NTN4: variants seen among roughly 807,000 people sequenced by gnomAD.
The protein encoded by NTN4 is netrin 4.
In NTN4, 32 loss-of-function variants were observed where a neutral mutation model predicts 73.6. The observed-to-expected ratio is 0.44, with a 90% confidence interval of 0.33 to 0.58. NTN4 has a LOEUF of 0.58. Among genes scored for constraint, NTN4 ranks in the 20% least tolerant of loss-of-function variants. The pLI, the probability that NTN4 is intolerant of heterozygous loss-of-function variation, is 0.04. For missense variants in NTN4, 654 were observed against 798.3 expected, an observed-to-expected ratio of 0.82 and a Z score of 2.18; for synonymous variants, 258 against 287.5, an observed-to-expected ratio of 0.90 and a Z score of 1.04.
At chr12:95,733,564 G>C (rs553713838) in intron 3 of NTN4, among the ~76,000 whole-genome samples, 2 of 152,160 alleles carry the variant, frequency 1.3e-5, no homozygotes, top group Admixed American at 1.3e-4. Context: ...CATTTTATTA[G>C]AGAACTGAGG....
rs2078337677 is a variant in NTN4, at chr12:95,683,688, A to G, written c.1204T>C (p.Ser402Pro). 9 of 1,610,830 alleles carry G rather than the reference A, an allele frequency of 5.6e-6. No individual in the cohort carries two copies. The highest frequency in any genetic ancestry group is 7.6e-6 in the Non-Finnish European group (9 of 1,178,374). Residue 402 changes from serine (S) to proline (P), a missense_variant, in exon 6 of 10, where the codon TCA (serine) becomes CCA (proline). Transcript: ENST00000343702. Reference protein sequence around the residue: ...CKPCSCHPVGSAVLPANSVTF... With the variant: ...CKPCSCHPVGPAVLPANSVTF... ...ACTGAGTTGGCAGGAAGGACAGCTG[A>G]TCCTACTGGATGGCAGGAACACGCT...
intron 5 of NTN4, among the ~76,000 whole-genome samples, chr12:95,691,520 T>G (rs1039670416): frequency 1.3e-5 from 2 of 152,080 alleles, no homozygotes; most frequent in Non-Finnish European, 2.9e-5. Context: ...CTCAGCCTCC[T>G]GAGTAGCTGG....
chr12:95,739,887 C>T (rs970684454), intron 2 of NTN4: 1 of 152,296 alleles, frequency 6.6e-6, no homozygotes, highest in South Asian at 2.1e-4. Flanking sequence ...CATTCCATCT[C>T]CCCCTCACCC....
intron 2 of NTN4, among the ~76,000 whole-genome samples, chr12:95,754,710 G>A (rs1047603465): frequency 9.2e-5 from 14 of 151,948 alleles, no homozygotes; most frequent in East Asian, 1.9e-4. Context: ...GCCCACCAGA[G>A]AACAACCCCC....
At chr12:95,765,127 G>A (rs2079012035) in intron 2 of NTN4, among the ~76,000 whole-genome samples, 1 of 152,152 alleles carries the variant, frequency 6.6e-6, no homozygotes, top group African/African-American at 2.4e-5. Context: ...GCTCATACTT[G>A]TATCTTACCA....
chr12:95,662,235 CTTTTTTTTT>C (rs71087990), intron 9 of NTN4, among the ~76,000 whole-genome samples: 2 of 118,388 alleles, frequency 1.7e-5, no homozygotes, highest in East Asian at 4.7e-4. Flanking sequence ...CTTTTTCTTT[CTTTTTTTTT>C]TTTTTTGACA....
intron 9 of NTN4, chr12:95,663,348 T>C (rs990636746): frequency 2.0e-5 from 3 of 152,248 alleles, no homozygotes; most frequent in Non-Finnish European, 4.4e-5. Flanking sequence ...TTAGCATTTA[T>C]ATTTTATTTT....
chr12:95,712,344 C>T (rs776182496), intron 4 of NTN4, among the ~76,000 whole-genome samples: 14 of 151,996 alleles, frequency 9.2e-5, no homozygotes, highest in Admixed American at 2.0e-4. Context: ...AAAAAAAAGG[C>T]AATGTGGTAT....
At chr12:95,675,126 T>C (rs2078263588) in intron 7 of NTN4, among the ~76,000 whole-genome samples, 1 of 152,210 alleles carries the variant, frequency 6.6e-6, no homozygotes, top group South Asian at 2.1e-4. Flanking sequence ...AAAAAATTCA[T>C]AGTAAAGACT....
intron 5 of NTN4, among the ~76,000 whole-genome samples, chr12:95,695,992 C>G (rs2121036441): frequency 6.7e-6 from 1 of 148,158 alleles, no homozygotes; most frequent in African/African-American, 2.5e-5. Context: ...CCTTCCCCTT[C>G]CCCTTCCCCT....
intron 5 of NTN4, among the ~76,000 whole-genome samples, chr12:95,706,065 T>C (rs1592676498): frequency 6.6e-6 from 1 of 152,346 alleles, no homozygotes; most frequent in East Asian, 1.9e-4. Flanking sequence ...GACCTGGTAG[T>C]TTGGGAACCA....
At chr12:95,748,877 C>G (rs1003564777) in intron 2 of NTN4, among the ~76,000 whole-genome samples, 4 of 152,180 alleles carry the variant, frequency 2.6e-5, no homozygotes, top group African/African-American at 9.7e-5. Context: ...GGCCTCTGAG[C>G]CCAAGCCAAG....
intron 2 of NTN4, among the ~76,000 whole-genome samples, chr12:95,771,326 A>G (rs2079057936): frequency 6.6e-6 from 1 of 152,112 alleles, no homozygotes; most frequent in Non-Finnish European, 1.5e-5. Flanking sequence ...AGTGTATGCA[A>G]ACTGCCTGGC....
chr12:95,702,460 C>T (rs2078492410), intron 5 of NTN4, among the ~76,000 whole-genome samples: 1 of 152,126 alleles, frequency 6.6e-6, no homozygotes, highest in African/African-American at 2.4e-5. Flanking sequence ...AAGGCACTTG[C>T]TGTATCTTTT....
intron 2 of NTN4, among the ~76,000 whole-genome samples, chr12:95,767,490 A>T (rs1045147061): frequency 6.6e-6 from 1 of 152,224 alleles, no homozygotes; most frequent in Admixed American, 6.5e-5. Flanking sequence ...CCAAAAATGC[A>T]GGTGAATTGA....
At chr12:95,688,826 T>C (rs2078381723) in intron 5 of NTN4, among the ~76,000 whole-genome samples, 1 of 149,264 alleles carries the variant, frequency 6.7e-6, no homozygotes, top group South Asian at 2.1e-4. Flanking sequence ...CAGTTAACAG[T>C]GTCAAACAGT....
At chr12:95,743,965 G>C (rs1424483289) in intron 2 of NTN4, among the ~76,000 whole-genome samples, 1 of 152,010 alleles carries the variant, frequency 6.6e-6, no homozygotes, top group Non-Finnish European at 1.5e-5. Flanking sequence ...GCAGTAGCGC[G>C]ATCTTGGCTC....
intron 3 of NTN4, 27 bp from the exon 4 acceptor site, chr12:95,713,365 T>C: frequency 1.9e-6 from 3 of 1,542,562 alleles, no homozygotes; most frequent in South Asian, 1.2e-5. Flanking sequence ...GTGAGAACTA[T>C]GAGCACACAT....
chr12:95,770,988 A>ATTTTTTTTTTTTTTTTTTTTTTTTTT lies in NTN4; in HGVS notation c.585+15950_585+15951insAAAAAAAAAAAAAAAAAAAAAAAAAA, dbSNP rs1460848065. Among the ~76,000 whole-genome samples, 15 of 58,084 alleles carry ATTTTTTTTTTTTTTTTTTTTTTTTTT rather than the reference A, an allele frequency of 2.6e-4. 3 individuals carry two copies. Among genetic ancestry groups the ATTTTTTTTTTTTTTTTTTTTTTTTTT allele is most frequent in the Admixed American group, 5.2e-4 (4 of 7,638 alleles). 38.1% of individuals were successfully genotyped at this position (58,084 alleles called of 152,430 possible). On this transcript the variant is annotated intron_variant, in intron 2 of 9. Coordinates refer to ENST00000343702, the MANE Select transcript of NTN4 (RefSeq NM_021229.4). ...GCAAGATGAACCATCCAGGAAAAGA[A>ATTTTTTTTTTTTTTTTTTTTTTTTTT]TTTGTTTTTTTTTTTTTTTGAGACA...
Sources: allele counts gnomAD v4.1 joint callset (sites outside exome capture counted in the v4.1 genomes callset), GRCh38; gene constraint gnomAD v4.1.1; transcripts MANE v1.5; gene names NCBI Gene and HGNC (gene_info 2026-07-23, HGNC 2026-07-21).